Variants in ERBB4 observed in about 807,000 individuals in gnomAD.
ERBB4 encodes the protein erb-b2 receptor tyrosine kinase 4.
A neutral mutation model predicts 158.0 loss-of-function variants in ERBB4; 42 were observed. That is an observed-to-expected ratio of 0.27 (90% CI 0.21 to 0.34). The LOEUF (loss-of-function observed/expected upper bound fraction) is 0.34. Among genes scored for constraint, ERBB4 ranks in the 10% least tolerant of loss-of-function variants. ERBB4 has a pLI of 1.00. For synonymous variants in ERBB4, 583 were observed against 558.7 expected (o/e 1.04, Z -0.61); for missense variants, 1,333 against 1,624.1 (o/e 0.82, Z 3.08).
At chr2:211,909,143 T>G (rs2079476125) in intron 3 of ERBB4, among the ~76,000 whole-genome samples, 1 of 151,720 alleles carries the variant, frequency 6.6e-6, no homozygotes, top group Non-Finnish European at 1.5e-5. Flanking sequence ...AATGTCTTTA[T>G]AGTGTGAAAT....
chr2:212,355,959 C>T (rs770192693), intron 1 of ERBB4, among the ~76,000 whole-genome samples: 1 of 151,832 alleles, frequency 6.6e-6, no homozygotes, highest in African/African-American at 2.4e-5. Flanking sequence ...AAATGTGCAG[C>T]TCAGTCCCAC....
chr2:212,420,138 A>G (rs1196440114), intron 1 of ERBB4, among the ~76,000 whole-genome samples: 2 of 152,062 alleles, frequency 1.3e-5, no homozygotes, highest in East Asian at 1.9e-4. Context: ...ATTTTATAGC[A>G]TTCATTCCTA....
intron 3 of ERBB4, among the ~76,000 whole-genome samples, chr2:211,872,612 G>A (rs1011777033): frequency 1.3e-5 from 2 of 151,890 alleles, no homozygotes; most frequent in Non-Finnish European, 2.9e-5. Context: ...TTAAACATCA[G>A]GTCAGTATAT....
chr2:211,748,560 C>T (rs1317078368), intron 5 of ERBB4, among the ~76,000 whole-genome samples: 1 of 152,122 alleles, frequency 6.6e-6, no homozygotes, highest in Non-Finnish European at 1.5e-5. Context: ...CTCCTTCCTC[C>T]CTCAGATCTA....
At chr2:212,253,405 C>G (rs1007350814) in intron 1 of ERBB4, among the ~76,000 whole-genome samples, 2 of 151,994 alleles carry the variant, frequency 1.3e-5, no homozygotes, top group African/African-American at 4.8e-5. Context: ...TTGATCTTAT[C>G]AGTTTTCTCA....
chr2:212,280,287 A>G (rs984534242), intron 1 of ERBB4, among the ~76,000 whole-genome samples: 1 of 151,546 alleles, frequency 6.6e-6, no homozygotes, highest in African/African-American at 2.4e-5. Context: ...AGCAACCAAC[A>G]TATTTTTAAG....
chr2:212,218,657 C>G (rs2083184746), intron 1 of ERBB4, among the ~76,000 whole-genome samples: 1 of 151,352 alleles, frequency 6.6e-6, no homozygotes, highest in Admixed American at 6.6e-5. Context: ...AGGAATTTCA[C>G]ATTGGCAAAA....
chr2:211,622,812 A>C (rs2069654468), intron 18 of ERBB4, among the ~76,000 whole-genome samples: 1 of 149,900 alleles, frequency 6.7e-6, no homozygotes, highest in South Asian at 2.1e-4. Context: ...AAAATACAAA[A>C]ATTAGCCAGG....
At chr2:212,233,596 C>T (rs1349926595) in intron 1 of ERBB4, among the ~76,000 whole-genome samples, 5 of 152,156 alleles carry the variant, frequency 3.3e-5, no homozygotes, top group Non-Finnish European at 5.9e-5. Context: ...CATTATCACA[C>T]GTTTATATTT....
intron 1 of ERBB4, among the ~76,000 whole-genome samples, chr2:212,157,426 T>C (rs2081074017): frequency 6.6e-6 from 1 of 152,112 alleles, no homozygotes; most frequent in Non-Finnish European, 1.5e-5. Flanking sequence ...ACCAGCAGGA[T>C]TTATGTCACT....
At chr2:211,639,905 T>G (rs919023259) in intron 16 of ERBB4, among the ~76,000 whole-genome samples, 2 of 152,074 alleles carry the variant, frequency 1.3e-5, no homozygotes, top group African/African-American at 4.8e-5. Context: ...GTATTTTTAG[T>G]AGAGACAGGG....
At chr2:212,253,404 T>C (rs1348285919) in intron 1 of ERBB4, among the ~76,000 whole-genome samples, 1 of 152,164 alleles carries the variant, frequency 6.6e-6, no homozygotes, top group African/African-American at 2.4e-5. Context: ...CTTGATCTTA[T>C]CAGTTTTCTC....
rs144458501 is a variant in ERBB4 at position 211,814,602 on chromosome 2, C to T, written c.422-26443G>A. Among the ~76,000 whole-genome samples, 227 of 151,830 alleles carry T rather than the reference C, an allele frequency of 1.5e-3. 1 individual carries two copies. The highest frequency in any genetic ancestry group is 5.2e-3 in the African/African-American group (216 of 41,412). Reference sequence around the variant, plus strand: ...CTATTTAAACCAATAGAAAGCAAAGCAGGCATTTTAGCGAGACAGATAAAA... The same window carrying T: ...CTATTTAAACCAATAGAAAGCAAAGTAGGCATTTTAGCGAGACAGATAAAA... On this transcript the variant is annotated intron_variant, in intron 3 of 27. Transcript: ENST00000342788.
chr2:211,826,954 T>C (rs1381223330), intron 3 of ERBB4, among the ~76,000 whole-genome samples: 1 of 151,996 alleles, frequency 6.6e-6, no homozygotes, highest in Non-Finnish European at 1.5e-5. Flanking sequence ...TGCATGTGTG[T>C]ATATATTTAA....
chr2:211,418,508 T>C (rs1260967664), intron 25 of ERBB4, among the ~76,000 whole-genome samples: 1 of 152,110 alleles, frequency 6.6e-6, no homozygotes, highest in Non-Finnish European at 1.5e-5. Context: ...AAAGGTCAAA[T>C]AAGTCCACGG....
At chr2:212,385,766 A>T (rs2090655298) in intron 1 of ERBB4, among the ~76,000 whole-genome samples, 2 of 151,900 alleles carry the variant, frequency 1.3e-5, no homozygotes, top group African/African-American at 4.8e-5. Context: ...GAATGGGGAA[A>T]GCAGTAATCC....
Position 211,946,687 on chromosome 2 carries a change from ACATGAAGTAAAATT to A in ERBB4, c.421+729_421+742del, listed in dbSNP as rs571456844. ...AGCAGCTCATTTTGATTACAGGTAT[ACATGAAGTAAAATT>A]CATGAAGTAAAATTCATTATACCAA... is the stretch of plus-strand genomic sequence containing the variant. On this transcript the variant is annotated intron_variant, in intron 3 of 27. Transcript: ENST00000342788. 2.1e-3 allele frequency among the ~76,000 whole-genome samples: 304 copies of A among 144,782 alleles called. 1 individual carries two copies. Among genetic ancestry groups the A allele is most frequent in the African/African-American group, 6.5e-3 (255 of 39,110 alleles). The allele number at this position is 144,782 out of a possible 152,430, so 95.0% of individuals were successfully genotyped here.
intron 1 of ERBB4, among the ~76,000 whole-genome samples, chr2:212,436,171 C>T (rs746050940): frequency 1.3e-5 from 2 of 151,932 alleles, no homozygotes; most frequent in Non-Finnish European, 2.9e-5. Flanking sequence ...CTAGTCAACA[C>T]TGTCAGCCAT....
intron 4 of ERBB4, among the ~76,000 whole-genome samples, chr2:211,781,542 G>A (rs912428686): frequency 2.0e-5 from 3 of 152,150 alleles, no homozygotes; most frequent in African/African-American, 7.2e-5. Flanking sequence ...AAACCTATGA[G>A]AGACAACCTT....
Sources: gnomAD v4.1 joint callset for allele counts (sites outside exome capture counted in the v4.1 genomes callset) on GRCh38, gnomAD v4.1.1 for gene constraint, MANE v1.5 for transcripts, NCBI Gene and HGNC (gene_info 2026-07-23, HGNC 2026-07-21) for gene names.